ZBED5: variants seen among roughly 807,000 people sequenced by gnomAD.
The protein encoded by ZBED5 is zinc finger BED-type containing 5.
A neutral mutation model predicts 49.2 loss-of-function variants in ZBED5; 29 were observed. The ratio of observed to expected loss-of-function variants is 0.59; its 90% CI spans 0.44 to 0.80. The LOEUF is 0.80. Among genes scored for constraint, ZBED5 ranks in the 30% least tolerant of loss-of-function variants. ZBED5 has a pLI of 0.00. For missense variants in ZBED5, 775 were observed against 812.9 expected, an observed-to-expected ratio of 0.95 and a Z score of 0.57; for synonymous variants, 281 against 292.5, an observed-to-expected ratio of 0.96 and a Z score of 0.40.
intron 1 of ZBED5, among the ~76,000 whole-genome samples, 181 bp from the exon 2 acceptor site, chr11:10,856,438 A>G (rs976690591): frequency 6.6e-6 from 1 of 152,198 alleles, no homozygotes; most frequent in African/African-American, 2.4e-5. Context: ...ATCCTGTTCA[A>G]TATCTTGGCA....
chr11:10,853,401 C>G lies in ZBED5; in HGVS notation c.1545G>C (p.Trp515Cys). The change falls in exon 3 of 3, where the codon TGG becomes TGC. Residue 515 changes from tryptophan to cysteine, a missense_variant. Trp to Cys is a radical substitution (Grantham distance 215). Transcript: ENST00000413761. This position sits in a 1 kb window ranked among gnomAD's most constrained non-coding sequence, Gnocchi z 5.4. Reference sequence around the variant, plus strand: ...AGTTTTCTTCTTCTACAGATGAGGCCCAAAATTCCAATTTTCTTAACAATG... The same window carrying G: ...AGTTTTCTTCTTCTACAGATGAGGCGCAAAATTCCAATTTTCTTAACAATG... ...MSSLLRKLEF[W>C]ASSVEEENFD... 3 of 1,549,612 alleles carry G rather than the reference C, an allele frequency of 1.9e-6. No homozygotes were observed. The highest frequency in any genetic ancestry group is 2.6e-6 in the Non-Finnish European group (3 of 1,146,086).
chr11:10,853,062 T>G lies in ZBED5; in HGVS notation c.1884A>C (p.Ala628=). 2 of 1,551,594 alleles carry G rather than the reference T, an allele frequency of 1.3e-6. No individual in the cohort carries two copies. Among genetic ancestry groups the G allele is most frequent in the Non-Finnish European group, 1.7e-6 (2 of 1,146,872 alleles). The change falls in exon 3 of 3, where the codon GCA becomes GCC. Residue 628 remains alanine, a synonymous_variant. Transcript: ENST00000413761. This position sits in a 1 kb window ranked among gnomAD's most constrained non-coding sequence, Gnocchi z 5.4. ...GAAGAAGTACACGCACTGCACGCCT[T>G]GCAATGCTTGGGTATTCCTGAATTA... is the stretch of plus-strand genomic sequence containing the variant. The part of the protein sequence containing the change: ...SSLIQEYPSI[A]RRAVRVLLPF...
rs1351897099 is a variant in ZBED5, at chr11:10,853,425, T to G, written c.1521A>C (p.Ser507=). 2.6e-6 allele frequency: 4 copies of G among 1,549,844 alleles called. No homozygotes were observed. The highest frequency in any genetic ancestry group is 3.5e-6 in the Non-Finnish European group (4 of 1,146,058). ...CCCAAAATTCCAATTTTCTTAACAA[T>G]GACGACATTTTATCAAATACTGTAA... The part of the protein sequence containing the change: ...TVFTVFDKMS[S]LLRKLEFWAS... Residue 507 remains serine (S), a synonymous_variant, in exon 3 of 3, where the codon TCA becomes TCC. Coordinates refer to ENST00000413761, the MANE Select transcript of ZBED5 (RefSeq NM_001143667.2). The surrounding 1 kb of genome is among the most constrained non-coding windows in gnomAD (Gnocchi z 5.4).
rs1162061691 is a variant in ZBED5, at chr11:10,853,264, A to G, written c.1682T>C (p.Leu561Ser). 5 of 1,551,604 alleles carry G rather than the reference A, an allele frequency of 3.2e-6. No homozygotes were observed. The highest frequency in any genetic ancestry group is 4.4e-6 in the Non-Finnish European group (5 of 1,146,902). Reference sequence around the variant, plus strand: ...GTCATTTGTTACAGGAAAGTATTTTAACAGAGTAGCGCGCAAACCCCTTAG... The same window carrying G: ...GTCATTTGTTACAGGAAAGTATTTTGACAGAGTAGCGCGCAAACCCCTTAG... ...QHLRGLRATL[L>S]KYFPVTNDNN... Residue 561 changes from leucine (L) to serine (S), a missense_variant, in exon 3 of 3, where the codon TTA becomes TCA. By Grantham distance (145) the Leu-to-Ser change is moderately radical. Transcript: ENST00000413761. The surrounding 1 kb of genome is among the most constrained non-coding windows in gnomAD (Gnocchi z 5.4).
Position 10,853,690 on chromosome 11 carries a change from A to G in ZBED5, c.1256T>C (p.Met419Thr), listed in dbSNP as rs768266077. 5 of 1,551,508 alleles carry G rather than the reference A, an allele frequency of 3.2e-6. No individual in the cohort carries two copies. The East Asian group carries it at 9.8e-5, about 30-fold the overall frequency. ...AAGAAGTGCTGTGTGCTGAGCACCC[A>G]TTTCCTCACATAAAATTTTTAATAG... Reference protein sequence around the residue: ...SRLLKILCEEMGAQHTALLLN... With the variant: ...SRLLKILCEETGAQHTALLLN... The change falls in exon 3 of 3, where the codon ATG becomes ACG. Residue 419 changes from methionine to threonine, a missense_variant. By Grantham distance (81) the Met-to-Thr change is moderately conservative (BLOSUM62 -1). Coordinates refer to ENST00000413761, the MANE Select transcript of ZBED5 (RefSeq NM_001143667.2). This position sits in a 1 kb window ranked among gnomAD's most constrained non-coding sequence, Gnocchi z 5.4.
In ZBED5 at chr11:10,853,672, G is replaced by T. The variant is rs1419903239; in HGVS notation, c.1274C>A (p.Ala425Glu). The change falls in exon 3 of 3, where the codon GCA becomes GAA. Residue 425 changes from alanine (A) to glutamate (E), a missense_variant. Coordinates refer to ENST00000413761, the MANE Select transcript of ZBED5 (RefSeq NM_001143667.2). This position sits in a 1 kb window ranked among gnomAD's most constrained non-coding sequence, Gnocchi z 5.4. ...LCEEMGAQHT[A>E]LLLNTEVRWL... ...CCTCACCTCTGTATTTAGAAGAAGT[G>T]CTGTGTGCTGAGCACCCATTTCCTC... 6.4e-7 allele frequency: 1 copy of T among 1,551,630 alleles called. No individual in the cohort carries two copies. Among genetic ancestry groups the T allele is most frequent in the Non-Finnish European group, 8.7e-7 (1 of 1,146,944 alleles).
chr11:10,857,481 T>C lies in ZBED5; in HGVS notation c.-256+381A>G, dbSNP rs1848199174. ...GGGAACAGATGCTCCTTCCAACACC[T>C]AAATGCTTTTTTAAACGGTCACCTG... is the stretch of plus-strand genomic sequence containing the variant. On this transcript the variant is annotated intron_variant, in intron 1 of 2. Transcript: ENST00000413761. This position sits in a 1 kb window ranked among gnomAD's most constrained non-coding sequence, Gnocchi z 6.3. 1 of 152,222 alleles carries C rather than the reference T, an allele frequency of 6.6e-6. No homozygotes were observed. Among genetic ancestry groups the C allele is most frequent in the Non-Finnish European group, 1.5e-5 (1 of 68,138 alleles). The allele number at this position is 152,222 out of a possible 1,614,324, so 9.4% of individuals were successfully genotyped here. A position where few individuals can be genotyped will look rare whatever the true frequency, so the allele number is the denominator to read the frequency against.
At position 10,858,038 on chromosome 11, in the gene ZBED5, G is replaced by GC; in HGVS notation, c.-433dup. 3.1e-6 allele frequency: 1 copy of GC among 326,744 alleles called. No homozygotes were observed. The highest frequency in any genetic ancestry group is 5.5e-6 in the Non-Finnish European group (1 of 180,716). 20.2% of individuals were successfully genotyped at this position (326,744 alleles called of 1,614,324 possible). ...TCCATAGAGATCCGATTCGCGGCTG[G>GC]CGCGGTCGCCGGTCTGAAGATAAAT... On this transcript the variant is annotated 5_prime_UTR_variant, in exon 1 of 3. Coordinates refer to ENST00000413761, the MANE Select transcript of ZBED5 (RefSeq NM_001143667.2).
Position 10,853,741 on chromosome 11 carries a change from A to G in ZBED5, c.1205T>C (p.Ile402Thr). 6.4e-7 allele frequency: 1 copy of G among 1,551,614 alleles called. No homozygotes were observed. Among genetic ancestry groups the G allele is most frequent in the Non-Finnish European group, 8.7e-7 (1 of 1,146,924 alleles). Residue 402 changes from isoleucine to threonine, a missense_variant, in exon 3 of 3, where the codon ATT (isoleucine) becomes ACT (threonine). Ile to Thr is a moderately conservative substitution (Grantham distance 89, BLOSUM62 -1). Transcript: ENST00000413761. The surrounding 1 kb of genome is among the most constrained non-coding windows in gnomAD (Gnocchi z 5.4). Reference sequence around the variant, plus strand: ...TCTGGATTGATGTGGTCGAGCTTTAATATAATTGATGATTTGTACTGCCTG... The same window carrying G: ...TCTGGATTGATGTGGTCGAGCTTTAGTATAATTGATGATTTGTACTGCCTG... ...LDQAVQIINY[I>T]KARPHQSRLL...
chr11:10,853,141 G>A lies in ZBED5; in HGVS notation c.1805C>T (p.Ser602Phe), dbSNP rs1453821832. ...YESLIDLTSD[S>F]QVKQNFSELS... The stretch of plus-strand genomic sequence containing the variant: ...TTCACTAAAATTTTGCTTCACTTGA[G>A]AATCAGATGTTAAATCAATCAGGCT... Residue 602 changes from serine to phenylalanine, a missense_variant, in exon 3 of 3, where the codon TCT becomes TTT. By Grantham distance (155) the Ser-to-Phe change is radical. Transcript: ENST00000413761. This position sits in a 1 kb window ranked among gnomAD's most constrained non-coding sequence, Gnocchi z 5.4. The A allele has an allele frequency of 9.0e-6, 14 of 1,551,476 alleles. No homozygotes were observed. Among genetic ancestry groups the A allele is most frequent in the Non-Finnish European group, 1.2e-5 (14 of 1,146,966 alleles).
rs1338075326 is a variant in ZBED5, at chr11:10,853,976, T to C, written c.970A>G (p.Ile324Val). The C allele has an allele frequency of 3.2e-6, 5 of 1,551,488 alleles. No individual in the cohort carries two copies. The East Asian group carries it at 1.2e-4, about 38-fold the overall frequency. The change falls in exon 3 of 3, where the codon ATC (isoleucine) becomes GTC (valine). Residue 324 changes from isoleucine to valine, a missense_variant. Coordinates refer to ENST00000413761, the MANE Select transcript of ZBED5 (RefSeq NM_001143667.2). This position sits in a 1 kb window ranked among gnomAD's most constrained non-coding sequence, Gnocchi z 5.4. ...NATGEEIFNC[I>V]NSFMQKHEIE... ...TCATGTTTCTGCATAAAACTGTTGA[T>C]ACAGTTGAATATTTCTTCACCGGTA...
In ZBED5 at chr11:10,853,998, G is replaced by A. The variant is rs768372812; in HGVS notation, c.948C>T (p.Thr316=). ...TGATACAGTTGAATATTTCTTCACC[G>A]GTAGCATTACTTTGCAAAGATTCAC... ...LLCESLQSNA[T]GEEIFNCINS... The change falls in exon 3 of 3, where the codon ACC becomes ACT. Residue 316 remains threonine (T), a synonymous_variant. Transcript: ENST00000413761. This position sits in a 1 kb window ranked among gnomAD's most constrained non-coding sequence, Gnocchi z 5.4. 5.8e-6 allele frequency: 9 copies of A among 1,551,246 alleles called. No homozygotes were observed. The highest frequency in any genetic ancestry group is 4.9e-5 in the East Asian group (2 of 40,916).
Position 10,852,878 on chromosome 11 carries a change from G to A in ZBED5, c.2068C>T (p.His690Tyr). Residue 690 changes from histidine (H) to tyrosine (Y), a missense_variant, in exon 3 of 3, where the codon CAC becomes TAC. His to Tyr is a moderately conservative substitution (Grantham distance 83, BLOSUM62 2). Transcript: ENST00000413761. Reference sequence around the variant, plus strand: ...CTCCTCCAATTTTAATGAGAACAGTGTTTTTGTGTCTTTTTATCACATATC... The same window carrying A: ...CTCCTCCAATTTTAATGAGAACAGTATTTTTGTGTCTTTTTATCACATATC... ...KRICDKKTQK[H>Y]CSH The A allele has an allele frequency of 6.5e-7, 1 of 1,536,798 alleles. No individual in the cohort carries two copies. The highest frequency in any genetic ancestry group is 1.2e-5 in the South Asian group (1 of 83,366).
Position 10,853,539 on chromosome 11 carries a change from A to C in ZBED5, c.1407T>G (p.Ser469=). Reference sequence around the variant, plus strand: ...CAAGATATGCAAGTCTTAGCAGCCAAGATGAATTTGTTAAACAATCAGATA... The same window carrying C: ...CAAGATATGCAAGTCTTAGCAGCCACGATGAATTTGTTAAACAATCAGATA... The part of the protein sequence containing the change: ...FRLSDCLTNS[S]WLLRLAYLAD... Residue 469 remains serine, a synonymous_variant, in exon 3 of 3, where the codon TCT becomes TCG. Transcript: ENST00000413761. The surrounding 1 kb of genome is among the most constrained non-coding windows in gnomAD (Gnocchi z 5.4). The C allele has an allele frequency of 6.5e-7, 1 of 1,549,898 alleles. No individual in the cohort carries two copies. Among genetic ancestry groups the C allele is most frequent in the Non-Finnish European group, 8.7e-7 (1 of 1,146,018 alleles).
chr11:10,853,544 A>G lies in ZBED5; in HGVS notation c.1402T>C (p.Ser468Pro). 1 of 1,549,660 alleles carries G rather than the reference A, an allele frequency of 6.5e-7. No individual in the cohort carries two copies. The highest frequency in any genetic ancestry group is 8.7e-7 in the Non-Finnish European group (1 of 1,145,904). ...AFRLSDCLTNSSWLLRLAYLA... is the reference protein window; with the variant it reads ...AFRLSDCLTNPSWLLRLAYLA... ...TATGCAAGTCTTAGCAGCCAAGATG[A>G]ATTTGTTAAACAATCAGATAGTCGA... The change falls in exon 3 of 3, where the codon TCA becomes CCA. Residue 468 changes from serine to proline, a missense_variant. Coordinates refer to ENST00000413761, the MANE Select transcript of ZBED5 (RefSeq NM_001143667.2). This position sits in a 1 kb window ranked among gnomAD's most constrained non-coding sequence, Gnocchi z 5.4.
rs1366028451 is a variant in ZBED5, at chr11:10,853,600, C to T, written c.1346G>A (p.Arg449His). ...KVLVRLFELR[R>H]ELLVFMDSAF... Reference sequence around the variant, plus strand: ...AGAATCCATGAAAACCAAAAGTTCACGACGAAGTTCAAAAAGTCTTACAAG... The same window carrying T: ...AGAATCCATGAAAACCAAAAGTTCATGACGAAGTTCAAAAAGTCTTACAAG... Residue 449 changes from arginine (R) to histidine (H), a missense_variant, in exon 3 of 3, where the codon CGT becomes CAT. Arg to His is a conservative substitution (Grantham distance 29). Coordinates refer to ENST00000413761, the MANE Select transcript of ZBED5 (RefSeq NM_001143667.2). The surrounding 1 kb of genome is among the most constrained non-coding windows in gnomAD (Gnocchi z 5.4). 7.1e-6 allele frequency: 11 copies of T among 1,550,952 alleles called. No homozygotes were observed. The highest frequency in any genetic ancestry group is 4.1e-5 in the African/African-American group (3 of 72,922).
Position 10,854,113 on chromosome 11 carries a change from T to A in ZBED5, c.833A>T (p.Asp278Val). ...AAGTCCTGAAACATCAGCTGATTCA[T>A]CTAGTTGCAGTGAAAACCCATCGCA... ...KICDGFSLQL[D>V]ESADVSGLAV... Residue 278 changes from aspartate to valine, a missense_variant, in exon 3 of 3, where the codon GAT becomes GTT. Physicochemically the swap from Asp to Val is radical, Grantham distance 152. Transcript: ENST00000413761. The surrounding 1 kb of genome is among the most constrained non-coding windows in gnomAD (Gnocchi z 5.0). The A allele has an allele frequency of 6.4e-7, 1 of 1,550,800 alleles. No individual in the cohort carries two copies. Among genetic ancestry groups the A allele is most frequent in the Non-Finnish European group, 8.7e-7 (1 of 1,146,344 alleles).
Position 10,853,257 on chromosome 11 carries a change from G to A in ZBED5, c.1689C>T (p.Tyr563=). 1 of 1,551,554 alleles carries A rather than the reference G, an allele frequency of 6.4e-7. No individual in the cohort carries two copies. The highest frequency in any genetic ancestry group is 8.7e-7 in the Non-Finnish European group (1 of 1,146,884). The change falls in exon 3 of 3, where the codon TAC becomes TAT. Residue 563 remains tyrosine (Y), a synonymous_variant. Transcript: ENST00000413761. This position sits in a 1 kb window ranked among gnomAD's most constrained non-coding sequence, Gnocchi z 5.4. ...CATTATTGTCATTTGTTACAGGAAA[G>A]TATTTTAACAGAGTAGCGCGCAAAC... ...LRGLRATLLK[Y]FPVTNDNNAW... is the part of the protein sequence containing the mutation.
chr11:10,852,936 G>C lies in ZBED5; in HGVS notation c.2010C>G (p.Ile670Met). Residue 670 changes from isoleucine to methionine, a missense_variant, in exon 3 of 3, where the codon ATC becomes ATG. Transcript: ENST00000413761. ...TATTAGGTGTAATATTGCTAAGTCG[G>C]ATTCGCATATGAGGTGCAGCATCAA... ...KRLDAAPHMR[I>M]RLSNITPNIK... The C allele has an allele frequency of 6.4e-7, 1 of 1,551,456 alleles. No homozygotes were observed. The highest frequency in any genetic ancestry group is 8.7e-7 in the Non-Finnish European group (1 of 1,146,866).
Sources: allele counts gnomAD v4.1 joint callset (sites outside exome capture counted in the v4.1 genomes callset), GRCh38; gene constraint gnomAD v4.1.1; non-coding constraint Gnocchi (gnomAD v3.1); transcripts MANE v1.5; gene names NCBI Gene and HGNC (gene_info 2026-07-23, HGNC 2026-07-21).